Variants in BRD10 observed in about 807,000 individuals in gnomAD.
The protein encoded by BRD10 is bromodomain containing 10, also known as uncharacterized bromodomain-containing protein 10.
the BRD10 span, among the ~76,000 whole-genome samples, chr9:5,936,135 C>G: frequency 6.6e-6 from 1 of 152,084 alleles, no homozygotes; most frequent in African/African-American, 2.4e-5. Context: ...GAAGGTAAAT[C>G]ACTTAAGCCA....
the BRD10 span, among the ~76,000 whole-genome samples, chr9:5,890,101 G>C: frequency 1.3e-5 from 2 of 152,178 alleles, no homozygotes; most frequent in African/African-American, 4.8e-5. Flanking sequence ...AACCCTTTGA[G>C]ATGGAGATGA....
At chr9:5,930,068 G>A in the BRD10 span, among the ~76,000 whole-genome samples, 1 of 150,842 alleles carries the variant, frequency 6.6e-6, no homozygotes, top group African/African-American at 2.4e-5. Flanking sequence ...TAGCTGCTAA[G>A]CCACAGTATA....
the BRD10 span, among the ~76,000 whole-genome samples, chr9:5,911,686 C>T: frequency 6.6e-6 from 1 of 151,726 alleles, no homozygotes; most frequent in African/African-American, 2.4e-5. Context: ...AGGTGTGTGC[C>T]CCCATGCCCA....
chr9:5,998,034 T>C, the BRD10 span, among the ~76,000 whole-genome samples: 2 of 152,194 alleles, frequency 1.3e-5, no homozygotes, highest in Non-Finnish European at 2.9e-5. Flanking sequence ...GAAGAATCAA[T>C]GAAAAATGCT....
the BRD10 span, chr9:5,988,289 T>C: frequency 3.8e-6 from 5 of 1,312,808 alleles, no homozygotes; most frequent in South Asian, 1.2e-5. Flanking sequence ...AGAAATCTGA[T>C]ATGGGCACAT....
At chr9:5,936,961 G>A in the BRD10 span, among the ~76,000 whole-genome samples, 3 of 152,204 alleles carry the variant, frequency 2.0e-5, no homozygotes, top group Non-Finnish European at 4.4e-5. Context: ...CAGGTGCGGT[G>A]GCAATCATGC....
the BRD10 span, among the ~76,000 whole-genome samples, chr9:5,956,034 TTATG>T: frequency 6.6e-6 from 1 of 152,136 alleles, no homozygotes; most frequent in Non-Finnish European, 1.5e-5. Context: ...TCTTGCTGAC[TTATG>T]TATGGGAAGG....
chr9:5,926,853 A>G, the BRD10 span, among the ~76,000 whole-genome samples: 6 of 152,166 alleles, frequency 3.9e-5, no homozygotes, highest in Non-Finnish European at 8.8e-5. Flanking sequence ...AAAATTCCTT[A>G]ATTTTCTAAG....
chr9:5,985,092 A>C, the BRD10 span, among the ~76,000 whole-genome samples: 3 of 152,236 alleles, frequency 2.0e-5, no homozygotes, highest in African/African-American at 7.2e-5. Context: ...CACAGTTCAG[A>C]AAGACTCACA....
chr9:5,991,302 T>C, the BRD10 span, among the ~76,000 whole-genome samples: 2 of 152,132 alleles, frequency 1.3e-5, no homozygotes, highest in Non-Finnish European at 2.9e-5. Context: ...CATCTAGTAG[T>C]GTGTCTGTAC....
At chr9:5,999,083 A>C in the BRD10 span, among the ~76,000 whole-genome samples, 1 of 152,154 alleles carries the variant, frequency 6.6e-6, no homozygotes, top group African/African-American at 2.4e-5. Flanking sequence ...ATATGTTTAT[A>C]ATTTATTAAT....
the BRD10 span, among the ~76,000 whole-genome samples, chr9:5,902,973 C>G: frequency 2.0e-5 from 3 of 152,200 alleles, no homozygotes; most frequent in African/African-American, 7.2e-5. Context: ...ACATTTCCCT[C>G]TAAATACTGC....
chr9:5,932,000 C>T, the BRD10 span, among the ~76,000 whole-genome samples: 1 of 152,110 alleles, frequency 6.6e-6, no homozygotes, highest in Non-Finnish European at 1.5e-5. Flanking sequence ...GTGCTTATAA[C>T]CCCAATCAAA....
the BRD10 span, among the ~76,000 whole-genome samples, chr9:5,955,531 TTTG>T: frequency 6.6e-6 from 1 of 152,184 alleles, no homozygotes; most frequent in Non-Finnish European, 1.5e-5. Context: ...CAGTTTATAA[TTTG>T]TTTTTTGTAT....
At chr9:5,966,577 A>C in the BRD10 span, among the ~76,000 whole-genome samples, 1 of 141,750 alleles carries the variant, frequency 7.1e-6, no homozygotes, top group Admixed American at 7.8e-5. Context: ...CTCCTGCCTT[A>C]GCCTCCCGAG....
At chr9:5,984,391 G>T in the BRD10 span, among the ~76,000 whole-genome samples, 1 of 152,120 alleles carries the variant, frequency 6.6e-6, no homozygotes, top group Admixed American at 6.5e-5. Context: ...AACTGACCAT[G>T]ATAAATTAAA....
At chr9:5,888,678 A>G in the BRD10 span, among the ~76,000 whole-genome samples, 1 of 152,240 alleles carries the variant, frequency 6.6e-6, no homozygotes, top group African/African-American at 2.4e-5. Flanking sequence ...GAAGTTGACA[A>G]CGACCAGTTG....
At chr9:5,934,593 T>C in the BRD10 span, among the ~76,000 whole-genome samples, 3 of 152,106 alleles carry the variant, frequency 2.0e-5, no homozygotes, top group African/African-American at 7.2e-5. Context: ...CTTGAACTTC[T>C]GACCTCAAGT....
chr9:5,975,603 A>G, the BRD10 span, among the ~76,000 whole-genome samples: 5 of 152,188 alleles, frequency 3.3e-5, no homozygotes, highest in Non-Finnish European at 5.9e-5. Flanking sequence ...GTCTGAGATG[A>G]AAATACACAG....
Sources: gnomAD v4.1 joint callset for allele counts (sites outside exome capture counted in the v4.1 genomes callset) on GRCh38, gnomAD v4.1.1 for gene constraint, MANE v1.5 for transcripts, NCBI Gene and HGNC (gene_info 2026-07-23, HGNC 2026-07-21) for gene names.